Variants in PLK1 observed in about 807,000 individuals in gnomAD.
PLK1 encodes the protein serine/threonine-protein kinase PLK1.
A neutral mutation model predicts 56.7 loss-of-function variants in PLK1; 6 were observed. The ratio of observed to expected loss-of-function variants is 0.11; its 90% CI spans 0.06 to 0.21. The LOEUF is 0.21. Among genes scored for constraint, PLK1 ranks in the 10% least tolerant of loss-of-function variants. PLK1 has a pLI of 1.00. For synonymous variants in PLK1, 298 were observed against 325.0 expected (o/e 0.92, Z 0.89); for missense variants, 546 against 814.4 (o/e 0.67, Z 4.01).
intron 5 of PLK1, among the ~76,000 whole-genome samples, chr16:23,686,858 C>T (rs986756146): frequency 6.6e-5 from 10 of 152,096 alleles, no homozygotes; most frequent in African/African-American, 1.7e-4. Flanking sequence ...ATCATGACAT[C>T]GTTTTTTAAT....
chr16:23,690,137 G>A lies in PLK1; in HGVS notation c.*74G>A, dbSNP rs2230915. ...CTGGGGCCCATACTGGTTGGCTCCC[G>A]CGGTGCCATGTCTGCAGTGTGCCCC... On this transcript the variant is annotated 3_prime_UTR_variant, in exon 10 of 10. Coordinates refer to ENST00000300093, the MANE Select transcript of PLK1 (RefSeq NM_005030.6). The A allele has an allele frequency of 0.027, 31,795 of 1,182,772 alleles. 900 individuals are homozygous for A. Among genetic ancestry groups the A allele is most frequent in the African/African-American group, 0.1 (6,705 of 67,218 alleles). 73.3% of individuals were successfully genotyped at this position (1,182,772 alleles called of 1,614,324 possible).
chr16:23,681,942 G>A, intron 3 of PLK1, 122 bp from the exon 4 acceptor site: 1 of 646,226 alleles, frequency 1.5e-6, no homozygotes, highest in Non-Finnish European at 2.8e-6. Flanking sequence ...TGTCTTCAGG[G>A]GCCCCAGAGT....
rs1359233506 is a variant in PLK1 at position 23,690,044 on chromosome 16, A to G, written c.1793A>G (p.Asn598Ser). 1.2e-6 allele frequency: 2 copies of G among 1,610,832 alleles called. No homozygotes were observed. The highest frequency in any genetic ancestry group is 4.5e-5 in the East Asian group (2 of 44,860). The change falls in exon 10 of 10, where the codon AAC becomes AGC. Residue 598 changes from asparagine to serine, a missense_variant. Asn to Ser is a conservative substitution (Grantham distance 46). This residue lies in a region of PLK1 where 72 missense variants were observed against 77.9 expected (regional missense o/e 0.92). Coordinates refer to ENST00000300093, the MANE Select transcript of PLK1 (RefSeq NM_005030.6). ...DKLLSSRSAS[N>S]RLKAS ...CTGCTGAGCTCACGCTCGGCCAGCA[A>G]CCGTCTCAAGGCCTCCTAATAGCTG...
At chr16:23,682,373 G>A (rs1959345755) in intron 4 of PLK1, among the ~76,000 whole-genome samples, 1 of 152,146 alleles carries the variant, frequency 6.6e-6, no homozygotes, top group Admixed American at 6.5e-5. Context: ...ATTCTCAAGA[G>A]ATTGGGTAAC....
chr16:23,679,941 A>G, intron 1 of PLK1, 143 bp from the exon 2 acceptor site: 1 of 611,112 alleles, frequency 1.6e-6, no homozygotes, highest in South Asian at 2.0e-5. Flanking sequence ...ATAGGGAAGG[A>G]GAGAAACCCA....
In PLK1 at chr16:23,689,980, G is replaced by A. The variant is rs1435911732; in HGVS notation, c.1729G>A (p.Ala577Thr). The stretch of plus-strand genomic sequence containing the variant: ...GGAGTACGGCTGCTGCAAGGAGCTG[G>A]CCAGCCGGCTCCGCTACGCCCGCAC... ...LEEYGCCKELASRLRYARTMV... is the reference protein window; with the variant it reads ...LEEYGCCKELTSRLRYARTMV... Residue 577 changes from alanine to threonine, a missense_variant, in exon 10 of 10, where the codon GCC becomes ACC. This residue lies in a region of PLK1 where 72 missense variants were observed against 77.9 expected (regional missense o/e 0.92). Coordinates refer to ENST00000300093, the MANE Select transcript of PLK1 (RefSeq NM_005030.6). This position sits in a 1 kb window ranked among gnomAD's most constrained non-coding sequence, Gnocchi z 4.8. 5 of 1,613,680 alleles carry A rather than the reference G, an allele frequency of 3.1e-6. No homozygotes were observed. The highest frequency in any genetic ancestry group is 4.2e-6 in the Non-Finnish European group (5 of 1,179,988).
intron 1 of PLK1, chr16:23,679,729 G>A (rs1050574758): frequency 2.5e-5 from 7 of 275,494 alleles, no homozygotes; most frequent in Non-Finnish European, 4.1e-5. Context: ...GGTAGTTGGA[G>A]CCAGACTTCG....
chr16:23,681,971 G>A lies in PLK1; in HGVS notation c.723-93G>A, dbSNP rs1959337592. ...CCAGAGTTAGAGTGAGTGTCCAGAG[G>A]ATGCCTGACCTTTGTTCTGACCCTG... On this transcript the variant is annotated intron_variant, in intron 3 of 9. Coordinates refer to ENST00000300093, the MANE Select transcript of PLK1 (RefSeq NM_005030.6). 52 of 736,596 alleles carry A rather than the reference G, an allele frequency of 7.1e-5. 1 individual carries two copies. In the South Asian group the frequency reaches 8.3e-4, roughly 12 times the overall value. The allele number at this position is 736,596 out of a possible 1,614,324, so 45.6% of individuals were successfully genotyped here.
intron 1 of PLK1, chr16:23,679,715 G>T (rs138974428): frequency 2.9e-5 from 8 of 278,614 alleles, no homozygotes; most frequent in South Asian, 8.6e-5. Context: ...TGGGTCAGTG[G>T]GGGGGTAGTT....
At position 23,679,269 on chromosome 16, in the gene PLK1, G is replaced by A. The variant is rs1311515674; in HGVS notation, c.337G>A (p.Val113Ile). Residue 113 changes from valine to isoleucine, a missense_variant, in exon 1 of 10, where the codon GTC (valine) becomes ATC (isoleucine). By Grantham distance (29) the Val-to-Ile change is conservative. This residue lies in a region of PLK1 where 111 missense variants were observed against 211.8 expected (regional missense o/e 0.52). Coordinates refer to ENST00000300093, the MANE Select transcript of PLK1 (RefSeq NM_005030.6). ...TCACCGCAGCCTCGCCCACCAGCAC[G>A]TCGTAGGATTCCACGGCTTTTTCGA... ...SIHRSLAHQH[V>I]VGFHGFFEDN... 2 of 1,613,976 alleles carry A rather than the reference G, an allele frequency of 1.2e-6. No individual in the cohort carries two copies. The highest frequency in any genetic ancestry group is 1.7e-6 in the Non-Finnish European group (2 of 1,180,030).
In PLK1 at chr16:23,689,424, T is replaced by G. The variant is rs763679576; in HGVS notation, c.1425+32T>G. ...GCCGTCCGGCCCATGGGGGGTGGTG[T>G]TGCAGAAGTGGGACCTGTGCTGGAG... On this transcript the variant is annotated intron_variant, in intron 8 of 9. Transcript: ENST00000300093. This position sits in a 1 kb window ranked among gnomAD's most constrained non-coding sequence, Gnocchi z 4.8. 1.2e-6 allele frequency: 2 copies of G among 1,601,018 alleles called. No homozygotes were observed. Among genetic ancestry groups the G allele is most frequent in the Non-Finnish European group, 8.6e-7 (1 of 1,169,030 alleles).
intron 3 of PLK1, among the ~76,000 whole-genome samples, chr16:23,681,786 G>A (rs1314209257): frequency 6.6e-6 from 1 of 152,140 alleles, no homozygotes; most frequent in Non-Finnish European, 1.5e-5. Flanking sequence ...AGCATCTGAG[G>A]CCCTTGCACA....
In PLK1 at chr16:23,689,631, C is replaced by T; in HGVS notation, c.1563C>T (p.Ile521=). ...CCTGGTTCCGCACCCGCAGCGCCAT[C>T]ATCCTGCACCTCAGCAACGGCAGCG... ...LRTWFRTRSA[I]ILHLSNGSVQ... The change falls in exon 9 of 10, where the codon ATC becomes ATT. Residue 521 remains isoleucine (I), a synonymous_variant. Transcript: ENST00000300093. The surrounding 1 kb of genome is among the most constrained non-coding windows in gnomAD (Gnocchi z 4.8). The T allele has an allele frequency of 6.2e-7, 1 of 1,612,000 alleles. No homozygotes were observed. The highest frequency in any genetic ancestry group is 8.5e-7 in the Non-Finnish European group (1 of 1,179,274).
chr16:23,689,395 G>A lies in PLK1; in HGVS notation c.1425+3G>A, dbSNP rs373111691. The A allele has an allele frequency of 1.2e-6, 2 of 1,607,108 alleles. No individual in the cohort carries two copies. Among genetic ancestry groups the A allele is most frequent in the African/African-American group, 2.7e-5 (2 of 74,816 alleles). On this transcript the variant is annotated splice_donor_region_variant and intron_variant, in intron 8 of 9. Coordinates refer to ENST00000300093, the MANE Select transcript of PLK1 (RefSeq NM_005030.6). This position sits in a 1 kb window ranked among gnomAD's most constrained non-coding sequence, Gnocchi z 4.8. Reference sequence around the variant, plus strand: ...ATCCCAACTCCTTGATGAAGAAGGTGAGTGCCGTCCGGCCCATGGGGGGTG... The same window carrying A: ...ATCCCAACTCCTTGATGAAGAAGGTAAGTGCCGTCCGGCCCATGGGGGGTG...
intron 5 of PLK1, among the ~76,000 whole-genome samples, chr16:23,686,087 G>A (rs1459140763): frequency 6.6e-6 from 1 of 152,064 alleles, no homozygotes; most frequent in African/African-American, 2.4e-5. Context: ...CTCCCGGGCT[G>A]GAGTGCAGTG....
At chr16:23,685,811 G>C (rs1228374439) in intron 5 of PLK1, among the ~76,000 whole-genome samples, 1 of 151,398 alleles carries the variant, frequency 6.6e-6, no homozygotes, top group Non-Finnish European at 1.5e-5. Flanking sequence ...GCCTCCCAAA[G>C]TGTTAGGATT....
intron 4 of PLK1, among the ~76,000 whole-genome samples, chr16:23,682,626 G>A (rs1959351121): frequency 2.0e-5 from 3 of 149,648 alleles, no homozygotes; most frequent in Admixed American, 2.0e-4. Context: ...AGGTTCAAGC[G>A]ATTCTCCTGC....
Position 23,680,087 on chromosome 16 carries a change from C to T in PLK1, c.412C>T (p.Leu138Phe), listed in dbSNP as rs2140997443. ...GCCCTCTCCTTCCCACCCACAGTCT[C>T]TCCTGGAGCTGCACAAGAGGAGGAA... The part of the protein sequence containing the change: ...VVLELCRRRS[L>F]LELHKRRKAL... The change falls in exon 2 of 10, where the codon CTC becomes TTC. Residue 138 changes from leucine (L) to phenylalanine (F), a missense_variant. By Grantham distance (22) the Leu-to-Phe change is conservative. Around this residue, in one of 7 missense-constraint regions of PLK1, gnomAD observed 111 missense variants for 211.8 expected, o/e 0.52. Coordinates refer to ENST00000300093, the MANE Select transcript of PLK1 (RefSeq NM_005030.6). 4 of 1,613,556 alleles carry T rather than the reference C, an allele frequency of 2.5e-6. No homozygotes were observed. The South Asian group carries it at 3.3e-5, about 13-fold the overall frequency.
Position 23,689,316 on chromosome 16 carries a change from G to T in PLK1, c.1349G>T (p.Ser450Ile). 1 of 1,613,962 alleles carries T rather than the reference G, an allele frequency of 6.2e-7. No homozygotes were observed. Among genetic ancestry groups the T allele is most frequent in the East Asian group, 2.2e-5 (1 of 44,884 alleles). ...TRLILYNDGD[S>I]LQYIERDGTE... ...CTCATCCTCTACAATGATGGTGACA[G>T]CCTGCAGTACATAGAGCGTGACGGC... The change falls in exon 8 of 10, where the codon AGC (serine) becomes ATC (isoleucine). Residue 450 changes from serine to isoleucine, a missense_variant. Coordinates refer to ENST00000300093, the MANE Select transcript of PLK1 (RefSeq NM_005030.6). This position sits in a 1 kb window ranked among gnomAD's most constrained non-coding sequence, Gnocchi z 4.8.
Sources: allele counts gnomAD v4.1 joint callset (sites outside exome capture counted in the v4.1 genomes callset), GRCh38; gene constraint gnomAD v4.1.1; regional missense constraint gnomAD v4.1.1; non-coding constraint Gnocchi (gnomAD v3.1); transcripts MANE v1.5; gene names NCBI Gene and HGNC (gene_info 2026-07-23, HGNC 2026-07-21).